Variants in OSBP2 observed in about 807,000 individuals in gnomAD.
The protein encoded by OSBP2 is oxysterol binding protein 2.
A neutral mutation model predicts 96.0 loss-of-function variants in OSBP2; 66 were observed. The observed-to-expected ratio is 0.69, with a 90% CI of 0.56 to 0.84. The LOEUF (loss-of-function observed/expected upper bound fraction) is 0.84. OSBP2 is among the 40% of genes least tolerant of loss of function. The pLI, the probability that OSBP2 is intolerant of heterozygous loss-of-function variation, is 0.00. For synonymous variants in OSBP2, 525 were observed against 520.9 expected (o/e 1.01, Z -0.11); for missense variants, 1,038 against 1,222.7 (o/e 0.85, Z 2.25).
At chr22:30,865,917 G>A (rs780542708) in intron 2 of OSBP2, among the ~76,000 whole-genome samples, 74 of 152,310 alleles carry the variant, frequency 4.9e-4, no homozygotes, top group Non-Finnish European at 1.0e-3. Flanking sequence ...AGCCTGGTCA[G>A]GAAGGCAAAT....
At chr22:30,829,588 G>A (rs2038480719) in intron 2 of OSBP2, among the ~76,000 whole-genome samples, 1 of 152,178 alleles carries the variant, frequency 6.6e-6, no homozygotes, top group Admixed American at 6.5e-5. Flanking sequence ...CCAAAGTGCT[G>A]GGATTGCAGG....
At chr22:30,898,455 T>C (rs529996512) in intron 12 of OSBP2, among the ~76,000 whole-genome samples, 1 of 152,284 alleles carries the variant, frequency 6.6e-6, no homozygotes, top group Non-Finnish European at 1.5e-5. Context: ...ACTGGGTAAT[T>C]TATAAAGGAG....
intron 2 of OSBP2, among the ~76,000 whole-genome samples, chr22:30,861,181 C>G (rs968405252): frequency 7.2e-5 from 11 of 152,180 alleles, no homozygotes; most frequent in African/African-American, 2.7e-4. Flanking sequence ...AGTCATAAGA[C>G]TCAGCCCCAC....
intron 1 of OSBP2, 94 bp downstream of exon 1, chr22:30,695,647 C>T: frequency 6.6e-7 from 1 of 1,525,508 alleles, no homozygotes; most frequent in Non-Finnish European, 8.7e-7. Context: ...GACACTGCCA[C>T]TAGTCTAGAG....
At chr22:30,796,420 C>T (rs2090762639) in intron 2 of OSBP2, among the ~76,000 whole-genome samples, 1 of 151,966 alleles carries the variant, frequency 6.6e-6, no homozygotes, top group South Asian at 2.1e-4. Flanking sequence ...AACTCTACTA[C>T]CCTATGTTAT....
At chr22:30,700,510 A>C (rs1322355218) in intron 1 of OSBP2, among the ~76,000 whole-genome samples, 1 of 152,132 alleles carries the variant, frequency 6.6e-6, no homozygotes, top group Non-Finnish European at 1.5e-5. Context: ...GCAAGTTTTT[A>C]TGGAGAAAGT....
At chr22:30,902,522 C>T (rs2147192686) in intron 12 of OSBP2, 1 of 1,475,804 alleles carries the variant, frequency 6.8e-7, no homozygotes. Context: ...GGGATGACTT[C>T]TTAGGAGGCA....
chr22:30,812,091 G>A (rs1349831059), intron 2 of OSBP2, among the ~76,000 whole-genome samples: 1 of 149,992 alleles, frequency 6.7e-6, no homozygotes, highest in Non-Finnish European at 1.5e-5. Flanking sequence ...CTGCCTCAAG[G>A]AGTCTTCCCA....
chr22:30,757,749 A>G (rs564349322), intron 2 of OSBP2, among the ~76,000 whole-genome samples: 3 of 151,544 alleles, frequency 2.0e-5, no homozygotes, highest in Non-Finnish European at 4.4e-5. Flanking sequence ...TGTAGCCTCA[A>G]CCTCTCTCCT....
At chr22:30,878,773 A>G (rs1379613064) in intron 3 of OSBP2, among the ~76,000 whole-genome samples, 1 of 152,294 alleles carries the variant, frequency 6.6e-6, no homozygotes, top group African/African-American at 2.4e-5. Flanking sequence ...CTGGCTGGGC[A>G]GTATGGGGTG....
intron 2 of OSBP2, among the ~76,000 whole-genome samples, chr22:30,835,045 C>G (rs1277821640): frequency 6.6e-6 from 1 of 152,050 alleles, no homozygotes; most frequent in Non-Finnish European, 1.5e-5. Context: ...GAACTTCTGA[C>G]CTCAGGTGAT....
At chr22:30,708,544 A>C (rs895564873) in intron 1 of OSBP2, among the ~76,000 whole-genome samples, 1 of 117,712 alleles carries the variant, frequency 8.5e-6, no homozygotes, top group Non-Finnish European at 1.6e-5. Context: ...TCTGGAGTGC[A>C]ATGGCATGAT....
intron 1 of OSBP2, among the ~76,000 whole-genome samples, chr22:30,730,290 A>G (rs1354510874): frequency 6.6e-6 from 1 of 152,192 alleles, no homozygotes; most frequent in Non-Finnish European, 1.5e-5. Context: ...GCCAATTTTT[A>G]TAAAGTATAA....
chr22:30,837,948 T>G (rs1259880522), intron 2 of OSBP2, among the ~76,000 whole-genome samples: 1 of 152,240 alleles, frequency 6.6e-6, no homozygotes, highest in Non-Finnish European at 1.5e-5. Context: ...TTATTTTTAG[T>G]GAATGCTTTG....
chr22:30,713,976 C>G (rs1400890405), intron 1 of OSBP2, among the ~76,000 whole-genome samples: 1 of 151,990 alleles, frequency 6.6e-6, no homozygotes, highest in Non-Finnish European at 1.5e-5. Flanking sequence ...CTGTAGTCAC[C>G]CTACAGTGCT....
chr22:30,696,732 C>T (rs1408793295), intron 1 of OSBP2, among the ~76,000 whole-genome samples: 1 of 152,162 alleles, frequency 6.6e-6, no homozygotes, highest in Non-Finnish European at 1.5e-5. Flanking sequence ...TGGCTCACTG[C>T]AACCTCCGCC....
chr22:30,697,212 G>C (rs2089058502), intron 1 of OSBP2, among the ~76,000 whole-genome samples: 2 of 152,218 alleles, frequency 1.3e-5, no homozygotes, highest in South Asian at 2.1e-4. Flanking sequence ...AGAAATGCCT[G>C]GTTTTAGTGG....
chr22:30,799,482 A>G (rs1359465174), intron 2 of OSBP2, among the ~76,000 whole-genome samples: 1 of 152,248 alleles, frequency 6.6e-6, no homozygotes, highest in Non-Finnish European at 1.5e-5. Context: ...TACTGCAGGC[A>G]GTAGTTAATT....
At position 30,881,562 on chromosome 22, in the gene OSBP2, A is replaced by C. The variant is rs927051480; in HGVS notation, c.1108-5864A>C. The C allele has an allele frequency of 7.3e-6, 6 of 824,652 alleles. No homozygotes were observed. In the African/African-American group the frequency reaches 1.1e-4, roughly 15 times the overall value. The allele number at this position is 824,652 out of a possible 1,614,324, so 51.1% of individuals were successfully genotyped here. ...GCCTCAGAGAAATGAGACCACGTTC[A>C]GGCCTGGGCTGGGTCAGCCAGGCCC... On this transcript the variant is annotated intron_variant, in intron 3 of 13. Transcript: ENST00000332585. This position sits in a 1 kb window ranked among gnomAD's most constrained non-coding sequence, Gnocchi z 4.5.
Sources: allele counts gnomAD v4.1 joint callset (sites outside exome capture counted in the v4.1 genomes callset), GRCh38; gene constraint gnomAD v4.1.1; non-coding constraint Gnocchi (gnomAD v3.1); transcripts MANE v1.5; gene names NCBI Gene and HGNC (gene_info 2026-07-23, HGNC 2026-07-21).